The following CDH16 variants were observed in gnomAD, a reference collection of about 807,000 sequenced individuals.
The protein encoded by CDH16 is cadherin 16.
A neutral mutation model predicts 87.6 loss-of-function variants in CDH16; 79 were observed. The observed-to-expected ratio is 0.90, with a 90% confidence interval of 0.75 to 1.09. The LOEUF is 1.09. Among genes scored for constraint, CDH16 ranks in the 50% least tolerant of loss-of-function variants. The pLI, the probability that CDH16 is intolerant of heterozygous loss-of-function variation, is 0.00. For missense variants in CDH16, 1,124 were observed against 1,071.7 expected (o/e 1.05, Z -0.68); for synonymous variants, 457 against 439.5 (o/e 1.04, Z -0.50).
rs1317517675 is a variant in CDH16 at position 66,913,563 on chromosome 16, C to CG, written c.830dup (p.Pro279ThrfsTer3). Reference sequence around the variant, plus strand: ...CCTCTGCATTCACTTCAAAGGGTCCCGGGGGATGGCTCTCCAGGTGATAGT... The same window carrying CG: ...CCTCTGCATTCACTTCAAAGGGTCCCGGGGGGATGGCTCTCCAGGTGATAGT... On this transcript the variant is annotated frameshift_variant, in exon 8 of 18. Transcript: ENST00000299752. LOFTEE classifies it high-confidence loss of function. 3.7e-6 allele frequency: 6 copies of CG among 1,614,150 alleles called. No individual in the cohort carries two copies. Among genetic ancestry groups the CG allele is most frequent in the South Asian group, 2.2e-5 (2 of 91,086 alleles).
chr16:66,909,177 G>T lies in CDH16; in HGVS notation c.2392+90C>A, dbSNP rs1169250456. 7 of 825,360 alleles carry T rather than the reference G, an allele frequency of 8.5e-6. No homozygotes were observed. The highest frequency in any genetic ancestry group is 4.2e-5 in the South Asian group (3 of 71,726). The allele number at this position is 825,360 out of a possible 1,614,324, so 51.1% of individuals were successfully genotyped here. ...GGGGCTTCCTTTTTCAGAGCTAGGG[G>T]CACCATGGGGACAAAGGTGTTTATT... On this transcript the variant is annotated intron_variant, in intron 17 of 17. Coordinates refer to ENST00000299752, the MANE Select transcript of CDH16 (RefSeq NM_004062.4). This position sits in a 1 kb window ranked among gnomAD's most constrained non-coding sequence, Gnocchi z 4.1.
chr16:66,908,561 T>C (rs1241258394), intron 17 of CDH16, 72 bp from the exon 18 acceptor site: 1 of 1,155,176 alleles, frequency 8.7e-7, no homozygotes, highest in Non-Finnish European at 1.3e-6. Flanking sequence ...AGGGACTTCC[T>C]GTGATTGGCA....
intron 2 of CDH16, 42 bp downstream of exon 2, chr16:66,917,979 C>T: frequency 3.3e-6 from 5 of 1,529,042 alleles, no homozygotes; most frequent in Non-Finnish European, 4.4e-6. Flanking sequence ...TGTCAACCCC[C>T]AAAGCCAAGA....
chr16:66,910,504 T>C lies in CDH16; in HGVS notation c.1925-2A>G. The C allele has an allele frequency of 6.6e-7, 1 of 1,511,974 alleles. No individual in the cohort carries two copies. The highest frequency in any genetic ancestry group is 8.9e-7 in the Non-Finnish European group (1 of 1,125,794). The allele number at this position is 1,511,974 out of a possible 1,614,324, so 93.7% of individuals were successfully genotyped here. On this transcript the variant is annotated splice_acceptor_variant, in intron 14 of 17. Transcript: ENST00000299752. LOFTEE classifies it high-confidence loss of function. ...CAGAAGCGCTCAGTCTCGGCTCATC[T>C]GCAGAGGAGGCAGTGCTGAGCTGGC...
At chr16:66,911,674 T>C (rs1962421783) in intron 13 of CDH16, among the ~76,000 whole-genome samples, 1 of 152,176 alleles carries the variant, frequency 6.6e-6, no homozygotes, top group Admixed American at 6.5e-5. Flanking sequence ...TCCCTCCAGG[T>C]GCTGAGGCAT....
rs1283674188 is a variant in CDH16, at chr16:66,909,777, C to A, written c.2275+209G>T. On this transcript the variant is annotated intron_variant, in intron 16 of 17. Transcript: ENST00000299752. The surrounding 1 kb of genome is among the most constrained non-coding windows in gnomAD (Gnocchi z 4.1). ...TGCCACTACACTCCAGCCTGGGTGA[C>A]AGAGTGAGACTCTGTCTCAAAAAAA... 6.6e-6 allele frequency among the ~76,000 whole-genome samples: 1 copy of A among 152,146 alleles called. No homozygotes were observed. The highest frequency in any genetic ancestry group is 1.5e-5 in the Non-Finnish European group (1 of 68,024).
chr16:66,915,983 C>T, intron 5 of CDH16, 82 bp downstream of exon 5: 1 of 1,512,014 alleles, frequency 6.6e-7, no homozygotes, highest in South Asian at 1.1e-5. Flanking sequence ...CCTATGCCAA[C>T]TGTCTGGCCA....
intron 6 of CDH16, among the ~76,000 whole-genome samples, chr16:66,914,784 G>A (rs1408240565): frequency 1.3e-5 from 2 of 152,156 alleles, no homozygotes; most frequent in Admixed American, 1.3e-4. Flanking sequence ...ATGGGAGGTT[G>A]GATGGACTGT....
chr16:66,916,082 C>T lies in CDH16; in HGVS notation c.407G>A (p.Ser136Asn). ...FSQAIYRARL[S>N]RGTRPGIPFL... The stretch of plus-strand genomic sequence containing the variant: ...TCACTCACCAGGCCTGGTACCCCGG[C>T]TCAGCCGAGCTCTGTAGATGGCTTG... Residue 136 changes from serine (S) to asparagine (N), a missense_variant, in exon 5 of 18, where the codon AGC becomes AAC. Physicochemically the swap from Ser to Asn is conservative, Grantham distance 46 (BLOSUM62 1). Transcript: ENST00000299752. This position sits in a 1 kb window ranked among gnomAD's most constrained non-coding sequence, Gnocchi z 4.1. The T allele has an allele frequency of 6.2e-7, 1 of 1,614,244 alleles. No individual in the cohort carries two copies. The highest frequency in any genetic ancestry group is 1.1e-5 in the South Asian group (1 of 91,088).
At chr16:66,918,186 C>T (rs944760148) in intron 1 of CDH16, 108 bp from the exon 2 acceptor site, 15 of 710,222 alleles carry the variant, frequency 2.1e-5, no homozygotes, top group East Asian at 3.1e-5. Context: ...CTCTTCCTCC[C>T]CTCCAAAGGA....
chr16:66,915,037 T>C (rs1010027706), intron 6 of CDH16, among the ~76,000 whole-genome samples, 183 bp downstream of exon 6: 1 of 152,128 alleles, frequency 6.6e-6, no homozygotes, highest in South Asian at 2.1e-4. Context: ...TCACACCATT[T>C]CCTAGCTCTC....
Position 66,909,727 on chromosome 16 carries a change from C to T in CDH16, c.2275+259G>A, listed in dbSNP as rs768382141. Among the ~76,000 whole-genome samples, 3 of 151,950 alleles carry T rather than the reference C, an allele frequency of 2.0e-5. No homozygotes were observed. Among genetic ancestry groups the T allele is most frequent in the African/African-American group, 7.3e-5 (3 of 41,322 alleles). On this transcript the variant is annotated intron_variant, in intron 16 of 17. Coordinates refer to ENST00000299752, the MANE Select transcript of CDH16 (RefSeq NM_004062.4). This position sits in a 1 kb window ranked among gnomAD's most constrained non-coding sequence, Gnocchi z 4.1. ...AGAAGAATTGCTTGAATCTGGGAGG[C>T]GGAAGTTGTAGTGAGCCGAGATCAT...
Position 66,908,135 on chromosome 16 carries a change from G to A in CDH16, c.*257C>T. 1.9e-6 allele frequency: 1 copy of A among 526,968 alleles called. No individual in the cohort carries two copies. The allele number at this position is 526,968 out of a possible 1,614,324, so 32.6% of individuals were successfully genotyped here. A position where few individuals can be genotyped will look rare whatever the true frequency, so the allele number is the denominator to read the frequency against. ...GAGACACAGACATACCAATCCCATA[G>A]GGCCCAGCCCAGTTCTCTGGGGCTT... On this transcript the variant is annotated 3_prime_UTR_variant, in exon 18 of 18. Coordinates refer to ENST00000299752, the MANE Select transcript of CDH16 (RefSeq NM_004062.4).
At position 66,910,375 on chromosome 16, in the gene CDH16, C is replaced by A; in HGVS notation, c.2052G>T (p.Leu684Phe). ...YLCTPRQDHGLIVSGPSKDPD... is the reference protein window; with the variant it reads ...YLCTPRQDHGFIVSGPSKDPD... ...GGTCCTTGCTGGGTCCACTCACGAT[C>A]AAGCCATGGTCTTGGCGGGGTGTGC... Residue 684 changes from leucine to phenylalanine, a missense_variant, in exon 15 of 18, where the codon TTG becomes TTT. Physicochemically the swap from Leu to Phe is conservative, Grantham distance 22 (BLOSUM62 0). Coordinates refer to ENST00000299752, the MANE Select transcript of CDH16 (RefSeq NM_004062.4). 6.2e-7 allele frequency: 1 copy of A among 1,613,800 alleles called. No individual in the cohort carries two copies.
chr16:66,916,486 C>T lies in CDH16; in HGVS notation c.130-57G>A, dbSNP rs1221495664. On this transcript the variant is annotated intron_variant, in intron 3 of 17. Transcript: ENST00000299752. This position sits in a 1 kb window ranked among gnomAD's most constrained non-coding sequence, Gnocchi z 4.1. ...GTGGCCAGGCCTGGGAGATGCCCCT[C>T]CTCCACCTGATGGCCTCATTTTACA... 84 of 1,510,004 alleles carry T rather than the reference C, an allele frequency of 5.6e-5. No homozygotes were observed. The highest frequency in any genetic ancestry group is 8.0e-6 in the Non-Finnish European group (9 of 1,130,216). The allele number at this position is 1,510,004 out of a possible 1,614,324, so 93.5% of individuals were successfully genotyped here. A position where few individuals can be genotyped will look rare whatever the true frequency, so the allele number is the denominator to read the frequency against.
At chr16:66,908,920 C>T (rs1179565554) in intron 17 of CDH16, among the ~76,000 whole-genome samples, 1 of 152,188 alleles carries the variant, frequency 6.6e-6, no homozygotes. Context: ...TGGGTTCTGT[C>T]ACAACCTGAC....
rs1258952857 is a variant in CDH16, at chr16:66,909,115, T to G, written c.2392+152A>C. 6.0e-6 allele frequency: 4 copies of G among 669,164 alleles called. No individual in the cohort carries two copies. In the African/African-American group the frequency reaches 7.1e-5, roughly 12 times the overall value. 41.5% of individuals were successfully genotyped at this position (669,164 alleles called of 1,614,324 possible). ...CTATCAATGATGATGACAATGACTA[T>G]GATCAAAGGGCAGGCGCATAATGAC... On this transcript the variant is annotated intron_variant, in intron 17 of 17. Coordinates refer to ENST00000299752, the MANE Select transcript of CDH16 (RefSeq NM_004062.4). The surrounding 1 kb of genome is among the most constrained non-coding windows in gnomAD (Gnocchi z 4.1).
rs138255165 is a variant in CDH16, at chr16:66,909,324, C to G, written c.2335G>C (p.Gly779Arg). The change falls in exon 17 of 18, where the codon GGC (glycine) becomes CGC (arginine). Residue 779 changes from glycine to arginine, a missense_variant. Physicochemically the swap from Gly to Arg is moderately radical, Grantham distance 125 (BLOSUM62 -2). Transcript: ENST00000299752. The surrounding 1 kb of genome is among the most constrained non-coding windows in gnomAD (Gnocchi z 4.1). The part of the protein sequence containing the change: ...QCMRKVGRMK[G>R]MPTKLSAVGI... ...ACTGCCGACAGCTTCGTGGGCATGCCCTTCATGCGGCCCACCTTGCGCATG... is the reference window on the plus strand; with the variant it reads ...ACTGCCGACAGCTTCGTGGGCATGCGCTTCATGCGGCCCACCTTGCGCATG... The G allele has an allele frequency of 6.2e-7, 1 of 1,613,722 alleles. No homozygotes were observed. Among genetic ancestry groups the G allele is most frequent in the Non-Finnish European group, 8.5e-7 (1 of 1,179,968 alleles).
rs773340564 is a variant in CDH16 at position 66,909,360 on chromosome 16, C to T, written c.2299G>A (p.Glu767Lys). The T allele has an allele frequency of 1.9e-6, 3 of 1,612,986 alleles. No homozygotes were observed. The highest frequency in any genetic ancestry group is 2.2e-5 in the East Asian group (1 of 44,874). The change falls in exon 17 of 18, where the codon GAG becomes AAG. Residue 767 changes from glutamate to lysine, a missense_variant. By Grantham distance (56) the Glu-to-Lys change is moderately conservative (BLOSUM62 1). Coordinates refer to ENST00000299752, the MANE Select transcript of CDH16 (RefSeq NM_004062.4). The surrounding 1 kb of genome is among the most constrained non-coding windows in gnomAD (Gnocchi z 4.1). ...CCCACCTTGCGCATGCACTGCCCCT[C>T]CACGTTGCAGCGACACACGATCACT... ...VRVIVCRCNV[E>K]GQCMRKVGRM... is the part of the protein sequence containing the mutation.
Sources: gnomAD v4.1 joint callset for allele counts (sites outside exome capture counted in the v4.1 genomes callset) on GRCh38, gnomAD v4.1.1 for gene constraint, Gnocchi (gnomAD v3.1) non-coding constraint, MANE v1.5 for transcripts, NCBI Gene and HGNC (gene_info 2026-07-23, HGNC 2026-07-21) for gene names.